Variants in IMPG1 observed in about 807,000 individuals in gnomAD.
IMPG1 encodes interphotoreceptor matrix proteoglycan 1, also known as interphotoreceptor matrix proteoglycan of 150 kDa.
In IMPG1, 85 loss-of-function variants were observed where a neutral mutation model predicts 92.0. The observed-to-expected ratio is 0.92, with a 90% confidence interval of 0.78 to 1.11. IMPG1 has a LOEUF of 1.11. Among genes scored for constraint, IMPG1 ranks in the 50% least tolerant of loss-of-function variants. The probability of loss-of-function intolerance (pLI) is 0.00; values close to 1 mark genes in which losing one functional copy is unlikely to be tolerated. For missense variants in IMPG1, 1,022 were observed against 956.0 expected, an observed-to-expected ratio of 1.07 and a Z score of -0.91; for synonymous variants, 367 against 334.1, an observed-to-expected ratio of 1.10 and a Z score of -1.08.
At chr6:76,004,713 A>G (rs1783061173) in intron 10 of IMPG1, among the ~76,000 whole-genome samples, 1 of 152,084 alleles carries the variant, frequency 6.6e-6, no homozygotes, top group Non-Finnish European at 1.5e-5. Context: ...TCTGCCCCAG[A>G]AGGTTGAATA....
intron 12 of IMPG1, among the ~76,000 whole-genome samples, chr6:75,979,555 T>C (rs1482724678): frequency 2.0e-5 from 3 of 152,192 alleles, no homozygotes; most frequent in Non-Finnish European, 4.4e-5. Context: ...TCCCAAGTGG[T>C]ATAACTGTCT....
intron 16 of IMPG1, among the ~76,000 whole-genome samples, chr6:75,923,186 T>C (rs1180476779): frequency 6.6e-6 from 1 of 152,122 alleles, no homozygotes; most frequent in Non-Finnish European, 1.5e-5. Context: ...CATCTGAAGA[T>C]GAACTTTTAC....
chr6:76,006,398 G>GTA (rs1239202502), intron 9 of IMPG1, among the ~76,000 whole-genome samples: 1 of 145,946 alleles, frequency 6.9e-6, no homozygotes, highest in Non-Finnish European at 1.5e-5. Context: ...TATATATATA[G>GTA]TATATATATG....
At chr6:75,952,889 G>T (rs1367791586) in intron 12 of IMPG1, among the ~76,000 whole-genome samples, 1 of 152,148 alleles carries the variant, frequency 6.6e-6, no homozygotes, top group African/African-American at 2.4e-5. Context: ...CCTTGATCTG[G>T]CATTTCTTGG....
intron 12 of IMPG1, among the ~76,000 whole-genome samples, chr6:75,965,886 C>G (rs1282373659): frequency 2.0e-5 from 3 of 152,182 alleles, no homozygotes; most frequent in Non-Finnish European, 4.4e-5. Context: ...GGATTACAGG[C>G]ATGAGCCACC....
intron 4 of IMPG1, 66 bp downstream of exon 4, chr6:76,034,249 C>A: frequency 6.8e-7 from 1 of 1,462,780 alleles, no homozygotes; most frequent in Non-Finnish European, 9.5e-7. Flanking sequence ...AGCTTAGTTT[C>A]ACTCCATTAT....
chr6:76,055,887 A>G (rs1784113063), intron 1 of IMPG1, among the ~76,000 whole-genome samples: 1 of 152,108 alleles, frequency 6.6e-6, no homozygotes, highest in Non-Finnish European at 1.5e-5. Context: ...ATAATTAAAT[A>G]TTATCATAAC....
intron 15 of IMPG1, 93 bp from the exon 16 acceptor site, chr6:75,923,799 A>G: frequency 1.4e-6 from 1 of 710,932 alleles, no homozygotes; most frequent in East Asian, 2.7e-5. Flanking sequence ...TTTTAACATC[A>G]TGACAAGTGA....
Position 75,947,392 on chromosome 6 carries a change from C to G in IMPG1, c.1966G>C (p.Val656Leu), listed in dbSNP as rs749953054. 1 of 1,613,958 alleles carries G rather than the reference C, an allele frequency of 6.2e-7. No homozygotes were observed. Among genetic ancestry groups the G allele is most frequent in the East Asian group, 2.2e-5 (1 of 44,872 alleles). ...GCAGCAGAACGAAAATCCTCCAAGA[C>G]CCCGTGCACAGCCTTGGTGAGGTTA... ...PYNLTKAVHG[V>L]LEDFRSAAAQ... The change falls in exon 14 of 17, where the codon GTC becomes CTC. Residue 656 changes from valine (V) to leucine (L), a missense_variant. Physicochemically the swap from Val to Leu is conservative, Grantham distance 32 (BLOSUM62 1). Around this residue, in one of 3 missense-constraint regions of IMPG1, gnomAD observed 332 missense variants for 346.2 expected, o/e 0.96. Coordinates refer to ENST00000369950, the MANE Select transcript of IMPG1 (RefSeq NM_001563.4).
At chr6:76,029,944 C>G in intron 4 of IMPG1, among the ~76,000 whole-genome samples, 1 of 151,626 alleles carries the variant, frequency 6.6e-6, no homozygotes, top group Non-Finnish European at 1.5e-5. Flanking sequence ...ATATTTTTGT[C>G]CCAAACTCAA....
intron 6 of IMPG1, among the ~76,000 whole-genome samples, chr6:76,020,501 T>G (rs1424430634): frequency 6.6e-6 from 1 of 152,210 alleles, no homozygotes; most frequent in Non-Finnish European, 1.5e-5. Flanking sequence ...GCCTTTGCCC[T>G]GAAGCTTTGA....
intron 1 of IMPG1, among the ~76,000 whole-genome samples, chr6:76,046,585 T>C (rs1382880271): frequency 6.6e-6 from 1 of 152,164 alleles, no homozygotes; most frequent in Non-Finnish European, 1.5e-5. Flanking sequence ...TTCAAAATGT[T>C]TTCATAGAAC....
At chr6:76,051,983 G>GA (rs796592366) in intron 1 of IMPG1, among the ~76,000 whole-genome samples, 3,808 of 141,130 alleles carry the variant, frequency 0.027, 145 homozygotes, top group African/African-American at 0.089. Flanking sequence ...ACACACACAA[G>GA]AAAAAAAAAA....
intron 14 of IMPG1, among the ~76,000 whole-genome samples, chr6:75,932,045 C>T (rs1248086124): frequency 2.0e-5 from 3 of 152,232 alleles, no homozygotes; most frequent in Non-Finnish European, 4.4e-5. Context: ...TCCTGTTCAA[C>T]CATATCAGCC....
intron 12 of IMPG1, among the ~76,000 whole-genome samples, chr6:75,974,383 C>CTTTCTTTCTT (rs1562354706): frequency 4.0e-5 from 3 of 75,392 alleles, no homozygotes; most frequent in African/African-American, 1.5e-4. Flanking sequence ...TTCTTTCTTT[C>CTTTCTTTCTT]TTTCTTTCTT....
chr6:76,039,330 C>G (rs950226260), intron 2 of IMPG1, among the ~76,000 whole-genome samples: 5 of 150,596 alleles, frequency 3.3e-5, no homozygotes, highest in Non-Finnish European at 7.4e-5. Context: ...CTAAGGCACA[C>G]TTAAATGTGA....
At chr6:76,066,436 A>G (rs910770288) in intron 1 of IMPG1, among the ~76,000 whole-genome samples, 2 of 152,182 alleles carry the variant, frequency 1.3e-5, no homozygotes, top group East Asian at 3.9e-4. Context: ...TAAAACAGAC[A>G]CTAAATCAAC....
chr6:75,932,993 G>T (rs73751763), intron 14 of IMPG1, among the ~76,000 whole-genome samples: 52 of 152,254 alleles, frequency 3.4e-4, no homozygotes, highest in African/African-American at 1.2e-3. Context: ...GAGCCACCGC[G>T]CCTGGTCTCT....
At chr6:75,935,968 C>T (rs148531435) in intron 14 of IMPG1, among the ~76,000 whole-genome samples, 23 of 152,300 alleles carry the variant, frequency 1.5e-4, no homozygotes, top group African/African-American at 5.3e-4. Context: ...ATAAATACGT[C>T]CCTGTACTGA....
Sources: gnomAD v4.1 joint callset for allele counts (sites outside exome capture counted in the v4.1 genomes callset) on GRCh38, gnomAD v4.1.1 for gene constraint, gnomAD v4.1.1 regional missense constraint, MANE v1.5 for transcripts, NCBI Gene and HGNC (gene_info 2026-07-23, HGNC 2026-07-21) for gene names.